DNAH9: variants seen among roughly 807,000 people sequenced by gnomAD.
DNAH9 encodes dynein axonemal heavy chain 9, also known as DNAH9 variant protein.
Under a neutral mutation model 471.6 loss-of-function variants are expected in DNAH9, and 345 were observed. The observed-to-expected ratio is 0.73, with a 90% CI of 0.67 to 0.80. The LOEUF is 0.80. Ranked by LOEUF, DNAH9 falls within the 30% of genes least tolerant of loss-of-function variation. The probability of loss-of-function intolerance (pLI) is 0.00; values close to 1 mark genes in which losing one functional copy is unlikely to be tolerated. For missense variants in DNAH9, 5,407 were observed against 5,609.2 expected (o/e 0.96, Z 1.15); for synonymous variants, 2,093 against 2,123.6 (o/e 0.99, Z 0.40).
At chr17:11,859,759 A>T (rs897308591) in intron 50 of DNAH9, among the ~76,000 whole-genome samples, 1 of 152,152 alleles carries the variant, frequency 6.6e-6, no homozygotes, top group African/African-American at 2.4e-5. Flanking sequence ...ACACTCTTTT[A>T]AACAACCAGA....
At chr17:11,857,379 C>G (rs892474091) in intron 50 of DNAH9, among the ~76,000 whole-genome samples, 1 of 152,168 alleles carries the variant, frequency 6.6e-6, no homozygotes, top group Non-Finnish European at 1.5e-5. Flanking sequence ...CGTCAACATC[C>G]CAGGAATGTG....
chr17:11,823,795 TG>T (rs1233618808), intron 48 of DNAH9, among the ~76,000 whole-genome samples: 4 of 152,040 alleles, frequency 2.6e-5, no homozygotes, highest in Non-Finnish European at 5.9e-5. Flanking sequence ...CTGGGCATGG[TG>T]GCGGGTGCCT....
intron 38 of DNAH9, among the ~76,000 whole-genome samples, chr17:11,777,505 C>T (rs1968483268): frequency 6.6e-6 from 1 of 152,194 alleles, no homozygotes; most frequent in African/African-American, 2.4e-5. Flanking sequence ...AAAGTAGGAA[C>T]AAAGAGCTTG....
intron 8 of DNAH9, among the ~76,000 whole-genome samples, chr17:11,634,004 G>T (rs2073115627): frequency 6.6e-6 from 1 of 152,112 alleles, no homozygotes; most frequent in African/African-American, 2.4e-5. Flanking sequence ...GTGTGCCAAG[G>T]GCATGCCTCT....
intron 61 of DNAH9, among the ~76,000 whole-genome samples, chr17:11,919,722 G>A (rs190377732): frequency 8.2e-4 from 125 of 152,194 alleles, no homozygotes; most frequent in African/African-American, 2.5e-3. Context: ...TAGTAAGTGC[G>A]GAAGTAGAAG....
rs988077862 is a variant in DNAH9 at position 11,669,649 on chromosome 17, G to C, written c.3208G>C (p.Glu1070Gln). The C allele has an allele frequency of 3.7e-6, 6 of 1,614,208 alleles. No homozygotes were observed. The highest frequency in any genetic ancestry group is 5.1e-6 in the Non-Finnish European group (6 of 1,180,030). Residue 1070 changes from glutamate (E) to glutamine (Q), a missense_variant, in exon 17 of 69, where the codon GAA becomes CAA. By Grantham distance (29) the Glu-to-Gln change is conservative. This residue lies in a region of DNAH9 where 4,636 missense variants were observed against 4,900.3 expected (regional missense o/e 0.95). Transcript: ENST00000262442. ...AATCGACTCCTATGAAACGCTCTATGAAGAGGTGTGCAGGCTGGAACCCAT... is the reference window on the plus strand; with the variant it reads ...AATCGACTCCTATGAAACGCTCTATCAAGAGGTGTGCAGGCTGGAACCCAT... ...VQIDSYETLYEEVCRLEPIKV... is the reference protein window; with the variant it reads ...VQIDSYETLYQEVCRLEPIKV...
At chr17:11,882,834 C>T (rs1340676706) in intron 55 of DNAH9, 1 of 676,780 alleles carries the variant, frequency 1.5e-6, no homozygotes, top group Non-Finnish European at 1.8e-6. Context: ...ATTGTAAAGC[C>T]TCTGGGCATA....
chr17:11,637,818 A>AT (rs1403797386), intron 9 of DNAH9, among the ~76,000 whole-genome samples: 1 of 152,096 alleles, frequency 6.6e-6, no homozygotes, highest in African/African-American at 2.4e-5. Context: ...GCAAAGATGC[A>AT]TTGTGGATGG....
In DNAH9 at chr17:11,781,134, C is replaced by A; in HGVS notation, c.7678C>A (p.Pro2560Thr). 1 of 1,614,126 alleles carries A rather than the reference C, an allele frequency of 6.2e-7. No homozygotes were observed. Among genetic ancestry groups the A allele is most frequent in the Non-Finnish European group, 8.5e-7 (1 of 1,180,028 alleles). ...GGTGGATGCCTACGGGACGGTGCAG[C>A]CCCACACCATCATCCGGCAGCATCT... ...PEVDAYGTVQ[P>T]HTIIRQHLDY... Residue 2560 changes from proline to threonine, a missense_variant, in exon 39 of 69, where the codon CCC becomes ACC. Physicochemically the swap from Pro to Thr is conservative, Grantham distance 38. Coordinates refer to ENST00000262442, the MANE Select transcript of DNAH9 (RefSeq NM_001372.4).
intron 49 of DNAH9, among the ~76,000 whole-genome samples, chr17:11,843,016 A>C (rs969792200): frequency 1.5e-5 from 2 of 137,882 alleles, no homozygotes; most frequent in Admixed American, 7.1e-5. Flanking sequence ...TAAAGTAGGA[A>C]TAAAATAATA....
intron 5 of DNAH9, 92 bp from the exon 6 acceptor site, chr17:11,619,456 A>G: frequency 1.3e-6 from 1 of 756,972 alleles, no homozygotes; most frequent in Non-Finnish European, 2.3e-6. Flanking sequence ...CGTGAAAAAT[A>G]TTACTGGGGC....
chr17:11,881,692 A>G (rs117789205), intron 55 of DNAH9, among the ~76,000 whole-genome samples: 3,405 of 152,190 alleles, frequency 0.022, 56 homozygotes, highest in Non-Finnish European at 0.033. Flanking sequence ...GCGGATCATG[A>G]GGTCGGTAGT....
At chr17:11,796,321 C>T (rs184623483) in intron 42 of DNAH9, among the ~76,000 whole-genome samples, 10 of 152,366 alleles carry the variant, frequency 6.6e-5, no homozygotes, top group East Asian at 1.9e-4. Flanking sequence ...TCCTGCACTG[C>T]GCTTACATCT....
chr17:11,788,741 G>A (rs1968961323), intron 41 of DNAH9, among the ~76,000 whole-genome samples: 1 of 151,204 alleles, frequency 6.6e-6, no homozygotes, highest in South Asian at 2.1e-4. Context: ...TCTTTTTCTT[G>A]TCTTATTGTG....
intron 61 of DNAH9, among the ~76,000 whole-genome samples, chr17:11,917,419 A>G: frequency 6.6e-6 from 1 of 152,228 alleles, no homozygotes; most frequent in East Asian, 1.9e-4. Context: ...AGCCTCCCAA[A>G]GTGCTGGGAT....
intron 49 of DNAH9, among the ~76,000 whole-genome samples, chr17:11,852,895 G>A (rs1360785055): frequency 1.5e-5 from 2 of 135,838 alleles, no homozygotes; most frequent in Non-Finnish European, 3.2e-5. Flanking sequence ...AGTAGGATGT[G>A]TATATATATA....
At position 11,797,673 on chromosome 17, in the gene DNAH9, A is replaced by G; in HGVS notation, c.8300A>G (p.Lys2767Arg). Residue 2767 changes from lysine to arginine, a missense_variant, in exon 43 of 69, where the codon AAA (lysine) becomes AGA (arginine). Transcript: ENST00000262442. ...TTTGCAAATGGTATTGGGGAGCCCA[A>G]ATACATGCCTGTACAGTCTTGGGAA... is the stretch of plus-strand genomic sequence containing the variant. ...CHFANGIGEPKYMPVQSWELL... is the reference protein window; with the variant it reads ...CHFANGIGEPRYMPVQSWELL... The G allele has an allele frequency of 1.2e-6, 2 of 1,614,214 alleles. No homozygotes were observed. The highest frequency in any genetic ancestry group is 4.5e-5 in the East Asian group (2 of 44,878).
At chr17:11,952,138 ACTTTTTT>A (rs1251946054) in intron 67 of DNAH9, among the ~76,000 whole-genome samples, 1 of 80,192 alleles carries the variant, frequency 1.2e-5, no homozygotes, top group Non-Finnish European at 2.3e-5. Flanking sequence ...AAGCTATATT[ACTTTTTT>A]TTTTTTTTTT....
At chr17:11,811,989 CAAAAAAAAAAAAAAAAAAAA>C (rs869105187) in intron 45 of DNAH9, among the ~76,000 whole-genome samples, 856 of 30,322 alleles carry the variant, frequency 0.028, 55 homozygotes, top group Middle Eastern at 0.083. Flanking sequence ...GACTCTGTCT[CAAAAAAAAAAAAAAAAAAAA>C]AAAAAAAAAA....
Sources: gnomAD v4.1 joint callset for allele counts (sites outside exome capture counted in the v4.1 genomes callset) on GRCh38, gnomAD v4.1.1 for gene constraint, gnomAD v4.1.1 regional missense constraint, MANE v1.5 for transcripts, NCBI Gene and HGNC (gene_info 2026-07-23, HGNC 2026-07-21) for gene names.